Variants in SGCE observed in about 807,000 individuals in gnomAD.
The protein encoded by SGCE is epsilon-sarcoglycan.
Under a neutral mutation model 57.8 loss-of-function variants are expected in SGCE, and 26 were observed. The observed-to-expected ratio is 0.45, with a 90% CI of 0.33 to 0.62. The LOEUF is 0.62. SGCE is among the 20% of genes least tolerant of loss of function. The pLI is 0.02. For synonymous variants in SGCE, 183 were observed against 189.5 expected, an observed-to-expected ratio of 0.97 and a Z score of 0.28; for missense variants, 468 against 548.6, an observed-to-expected ratio of 0.85 and a Z score of 1.47.
intron 5 of SGCE, among the ~76,000 whole-genome samples, chr7:94,605,837 A>ATTTTTTTTTTTTTTTTTTT (rs1222260705): frequency 6.6e-6 from 1 of 152,104 alleles, no homozygotes; most frequent in Non-Finnish European, 1.5e-5. Context: ...ATTTTATTTT[A>ATTTTTTTTTTTTTTTTTTT]TTTTTATTTT....
At chr7:94,586,818 T>G (rs1380235157) in intron 10 of SGCE, 1 of 985,158 alleles carries the variant, frequency 1.0e-6, no homozygotes, top group Non-Finnish European at 1.2e-6. Context: ...TAGTTTTAAA[T>G]GTACCAGAGG....
chr7:94,601,151 T>G (rs1404845864), intron 6 of SGCE, among the ~76,000 whole-genome samples: 1 of 152,092 alleles, frequency 6.6e-6, no homozygotes, highest in Non-Finnish European at 1.5e-5. Context: ...GTTGTTCTTT[T>G]TCAGTTTCCT....
In SGCE at chr7:94,623,476, C is replaced by A. The variant is rs545885131; in HGVS notation, c.391-79G>T. ...AATTCATTAAGGATTAAAATGAAAACAAATTGTCATTCTTTCCATTTTCAT... is the reference window on the plus strand; with the variant it reads ...AATTCATTAAGGATTAAAATGAAAAAAAATTGTCATTCTTTCCATTTTCAT... On this transcript the variant is annotated intron_variant, in intron 3 of 10. Coordinates refer to ENST00000648936, the MANE Select transcript of SGCE (RefSeq NM_003919.3). 6.7e-3 allele frequency: 6,053 copies of A among 899,640 alleles called. 38 individuals carry two copies. The highest frequency in any genetic ancestry group is 9.1e-3 in the Non-Finnish European group (5,072 of 557,518). The allele number at this position is 899,640 out of a possible 1,614,324, so 55.7% of individuals were successfully genotyped here.
intron 5 of SGCE, among the ~76,000 whole-genome samples, chr7:94,611,978 G>C (rs1240383961): frequency 1.3e-5 from 2 of 152,092 alleles, no homozygotes; most frequent in Non-Finnish European, 2.9e-5. Flanking sequence ...ATGATCAGAG[G>C]ATATAAACAT....
chr7:94,643,249 C>A (rs571164896), intron 1 of SGCE, among the ~76,000 whole-genome samples: 17 of 152,282 alleles, frequency 1.1e-4, no homozygotes, highest in African/African-American at 4.1e-4. Flanking sequence ...ATCCTACTAA[C>A]CCAGCATAAG....
chr7:94,638,748 C>T (rs541889701), intron 1 of SGCE, among the ~76,000 whole-genome samples: 7 of 151,954 alleles, frequency 4.6e-5, no homozygotes, highest in South Asian at 4.2e-4. Flanking sequence ...TAATGAAATG[C>T]GTTATTTCAA....
At chr7:94,612,775 C>A (rs1801252936) in intron 5 of SGCE, among the ~76,000 whole-genome samples, 1 of 152,096 alleles carries the variant, frequency 6.6e-6, no homozygotes, top group African/African-American at 2.4e-5. Flanking sequence ...CATTACCCCA[C>A]CCCACCTCCA....
At position 94,600,739 on chromosome 7, in the gene SGCE, G is replaced by A. The variant is rs1799081576; in HGVS notation, c.944C>T (p.Thr315Met). The A allele has an allele frequency of 3.7e-6, 6 of 1,613,728 alleles. No homozygotes were observed. Among genetic ancestry groups the A allele is most frequent in the Non-Finnish European group, 3.4e-6 (4 of 1,179,786 alleles). ...SDSLKSRDYY[T>M]DFLITLAVPS... ...CACAGCCAGTGTAATTAGGAAATCC[G>A]TGTAATAGTCTCTGCTTTTCAAAGA... Residue 315 changes from threonine to methionine, a missense_variant, in exon 7 of 11, where the codon ACG becomes ATG. Transcript: ENST00000648936.
At chr7:94,643,592 T>G (rs1317006495) in intron 1 of SGCE, among the ~76,000 whole-genome samples, 2 of 152,126 alleles carry the variant, frequency 1.3e-5, no homozygotes, top group African/African-American at 4.8e-5. Context: ...CCCCAGGCAA[T>G]ATCACTAAAG....
intron 1 of SGCE, among the ~76,000 whole-genome samples, chr7:94,635,665 T>A (rs1387060401): frequency 6.6e-6 from 1 of 152,256 alleles, no homozygotes; most frequent in Non-Finnish European, 1.5e-5. Flanking sequence ...TTTAACATGT[T>A]GTTACTACAG....
intron 9 of SGCE, among the ~76,000 whole-genome samples, chr7:94,592,051 T>C (rs763110438): frequency 2.6e-5 from 4 of 152,188 alleles, no homozygotes; most frequent in African/African-American, 7.2e-5. Flanking sequence ...CATCCCCTGA[T>C]TGGGTACAAC....
At chr7:94,648,371 GT>G (rs1225676699) in intron 1 of SGCE, among the ~76,000 whole-genome samples, 1 of 47,144 alleles carries the variant, frequency 2.1e-5, no homozygotes, top group African/African-American at 9.4e-5. Context: ...ACAAAACTCT[GT>G]CTCCAAAAAA....
intron 1 of SGCE, among the ~76,000 whole-genome samples, chr7:94,647,643 C>T (rs1242931595): frequency 6.6e-6 from 1 of 152,240 alleles, no homozygotes; most frequent in Non-Finnish European, 1.5e-5. Flanking sequence ...GACCTCCTGT[C>T]TAGCCTCATT....
intron 9 of SGCE, among the ~76,000 whole-genome samples, chr7:94,596,424 A>G (rs749922093): frequency 6.6e-6 from 1 of 152,040 alleles, no homozygotes; most frequent in Non-Finnish European, 1.5e-5. Context: ...AAGTTCCCCT[A>G]CTCATTATAA....
chr7:94,644,317 T>C (rs1291618623), intron 1 of SGCE, among the ~76,000 whole-genome samples: 1 of 152,230 alleles, frequency 6.6e-6, no homozygotes, highest in South Asian at 2.1e-4. Context: ...TAAGATTCCA[T>C]GATTCATTTT....
Position 94,585,533 on chromosome 7 carries a change from G to A in SGCE, c.1298-18C>T, listed in dbSNP as rs1796774548. 7 of 1,582,844 alleles carry A rather than the reference G, an allele frequency of 4.4e-6. No homozygotes were observed. The highest frequency in any genetic ancestry group is 1.7e-4 in the Middle Eastern group (1 of 5,982). ...CCATTTACCTGCAATGTGTAAGAATGAATATGGGCAGGAGTTAGTCAGGGC... is the reference window on the plus strand; with the variant it reads ...CCATTTACCTGCAATGTGTAAGAATAAATATGGGCAGGAGTTAGTCAGGGC... On this transcript the variant is annotated intron_variant, in intron 10 of 10. Coordinates refer to ENST00000648936, the MANE Select transcript of SGCE (RefSeq NM_003919.3).
intron 5 of SGCE, among the ~76,000 whole-genome samples, chr7:94,616,711 A>C (rs918973052): frequency 4.6e-5 from 7 of 152,228 alleles, no homozygotes; most frequent in African/African-American, 1.7e-4. Context: ...ATTTTATATA[A>C]CAACTAAAGA....
intron 1 of SGCE, 135 bp downstream of exon 1, chr7:94,655,855 G>A (rs1584802525): frequency 9.0e-6 from 6 of 665,232 alleles, no homozygotes; most frequent in African/African-American, 1.8e-5. Context: ...CTGAAGGAGG[G>A]GTACGGTGGG....
In SGCE at chr7:94,588,614, T is replaced by C. The variant is rs1371223487; in HGVS notation, c.1297+75A>G. The C allele has an allele frequency of 1.9e-6, 3 of 1,554,624 alleles. No homozygotes were observed. The Admixed American group carries it at 5.1e-5, about 26-fold the overall frequency. On this transcript the variant is annotated intron_variant, in intron 10 of 10. Transcript: ENST00000648936. ...TTTGGTGAAGATAAAGCTTCATAAA[T>C]TATATAGTGCCATAATTATCTTTTA...
Sources: gnomAD v4.1 joint callset for allele counts (sites outside exome capture counted in the v4.1 genomes callset) on GRCh38, gnomAD v4.1.1 for gene constraint, MANE v1.5 for transcripts, NCBI Gene and HGNC (gene_info 2026-07-23, HGNC 2026-07-21) for gene names.